The following UNC13B variants were observed in gnomAD, a reference collection of about 807,000 sequenced individuals.
UNC13B encodes the protein unc-13 homolog B, also known as protein unc-13 homolog B.
In UNC13B, 144 loss-of-function variants were observed where a neutral mutation model predicts 211.0. That is an observed-to-expected ratio of 0.68 (90% confidence interval 0.60 to 0.78). UNC13B has a LOEUF of 0.78. UNC13B is among the 30% of genes least tolerant of loss of function. UNC13B has a pLI of 0.00. For synonymous variants in UNC13B, 709 were observed against 725.8 expected, an observed-to-expected ratio of 0.98 and a Z score of 0.37; for missense variants, 1,777 against 2,002.0, an observed-to-expected ratio of 0.89 and a Z score of 2.14.
intron 1 of UNC13B, among the ~76,000 whole-genome samples, chr9:35,174,265 C>T (rs935585484): frequency 5.9e-5 from 9 of 151,640 alleles, no homozygotes; most frequent in African/African-American, 1.7e-4. Context: ...TCAGGTGATT[C>T]TCCTACCTTA....
At chr9:35,299,972 C>G (rs1246637798) in intron 8 of UNC13B, among the ~76,000 whole-genome samples, 194 bp from the exon 9 acceptor site, 1 of 152,014 alleles carries the variant, frequency 6.6e-6, no homozygotes, top group African/African-American at 2.4e-5. Context: ...GAAAATATCA[C>G]AAGAGTTTCT....
chr9:35,340,878 A>G (rs1831950464), intron 11 of UNC13B, among the ~76,000 whole-genome samples: 1 of 152,226 alleles, frequency 6.6e-6, no homozygotes, highest in African/African-American at 2.4e-5. Flanking sequence ...TTTATGCTAC[A>G]GAGCTTCAAG....
At chr9:35,325,548 G>T (rs748909458) in intron 11 of UNC13B, among the ~76,000 whole-genome samples, 7 of 151,916 alleles carry the variant, frequency 4.6e-5, no homozygotes, top group Non-Finnish European at 1.0e-4. Flanking sequence ...ACAAATTCTT[G>T]TTCCTTTGTT....
chr9:35,173,330 C>T (rs1278613484), intron 1 of UNC13B, among the ~76,000 whole-genome samples: 4 of 152,064 alleles, frequency 2.6e-5, no homozygotes, highest in Non-Finnish European at 5.9e-5. Context: ...GTATGTCTAC[C>T]TCACTTCAGC....
intron 11 of UNC13B, among the ~76,000 whole-genome samples, chr9:35,317,536 T>C (rs1830522900): frequency 6.7e-6 from 1 of 149,992 alleles, no homozygotes; most frequent in African/African-American, 2.5e-5. Context: ...TTTTTTTTTT[T>C]TTTTAAGACA....
chr9:35,266,384 T>C (rs1390986024), intron 7 of UNC13B, among the ~76,000 whole-genome samples: 1 of 152,150 alleles, frequency 6.6e-6, no homozygotes, highest in Non-Finnish European at 1.5e-5. Context: ...GCTACTGCTC[T>C]AAAGAAACTC....
chr9:35,163,358 C>T lies in UNC13B; in HGVS notation c.22+1053C>T, dbSNP rs774298349. ...GATTTCTCCAATAACGATGTTTCCC[C>T]CAGCTACTGGCAGATGAAACTGCTT... is the stretch of plus-strand genomic sequence containing the variant. On this transcript the variant is annotated intron_variant, in intron 1 of 39. Transcript: ENST00000635942. Among the ~76,000 whole-genome samples, 19 of 152,194 alleles carry T rather than the reference C, an allele frequency of 1.2e-4. 1 individual carries two copies. The highest frequency in any genetic ancestry group is 1.9e-4 in the Non-Finnish European group (13 of 68,042).
At chr9:35,183,921 G>T (rs1460106077) in intron 1 of UNC13B, among the ~76,000 whole-genome samples, 2 of 145,980 alleles carry the variant, frequency 1.4e-5, no homozygotes, top group Non-Finnish European at 3.0e-5. Flanking sequence ...CCTCCAAGAC[G>T]GGGTGGCGGC....
intron 1 of UNC13B, among the ~76,000 whole-genome samples, chr9:35,208,913 T>A (rs1409533912): frequency 6.6e-6 from 1 of 152,232 alleles, no homozygotes; most frequent in Non-Finnish European, 1.5e-5. Context: ...CTTTACTACT[T>A]GGAATTCTCT....
At chr9:35,178,911 A>G (rs34926956) in intron 1 of UNC13B, among the ~76,000 whole-genome samples, 6 of 138,598 alleles carry the variant, frequency 4.3e-5, no homozygotes, top group African/African-American at 1.6e-4. Context: ...AAAAAAAAAG[A>G]CAATGTCTCA....
chr9:35,398,945 C>T lies in UNC13B; in HGVS notation c.11985C>T (p.Gly3995=). 1 of 1,614,164 alleles carries T rather than the reference C, an allele frequency of 6.2e-7. No homozygotes were observed. ...CCGACATCCTGGGCCAGGTTCGGGGCACAGGGAATGCATCTCCAGACGCCA... is the reference window on the plus strand; with the variant it reads ...CCGACATCCTGGGCCAGGTTCGGGGTACAGGGAATGCATCTCCAGACGCCA... ...QMADILGQVR[G]TGNASPDARA... Residue 3995 remains glycine (G), a synonymous_variant, in exon 33 of 40, where the codon GGC becomes GGT. Transcript: ENST00000635942.
At chr9:35,245,612 T>A (rs2131566606) in intron 6 of UNC13B, among the ~76,000 whole-genome samples, 1 of 151,328 alleles carries the variant, frequency 6.6e-6, no homozygotes, top group Middle Eastern at 3.4e-3. Context: ...TGGTTTTTTG[T>A]CCTTGGTGAT....
At chr9:35,348,369 G>A (rs548835295) in intron 11 of UNC13B, among the ~76,000 whole-genome samples, 3 of 152,288 alleles carry the variant, frequency 2.0e-5, no homozygotes, top group South Asian at 4.2e-4. Context: ...AGAGACGGCC[G>A]GCCTCCTGAC....
At chr9:35,363,213 T>C (rs887117792) in intron 11 of UNC13B, among the ~76,000 whole-genome samples, 1 of 152,162 alleles carries the variant, frequency 6.6e-6, no homozygotes, top group African/African-American at 2.4e-5. Context: ...TGTCAATGGA[T>C]TGATTTGATT....
At position 35,376,025 on chromosome 9, in the gene UNC13B, C is replaced by T. The variant is rs1017528084; in HGVS notation, c.9616-3C>T. 2 of 1,613,948 alleles carry T rather than the reference C, an allele frequency of 1.2e-6. No homozygotes were observed. Among genetic ancestry groups the T allele is most frequent in the Non-Finnish European group, 1.7e-6 (2 of 1,179,976 alleles). On this transcript the variant is annotated splice_polypyrimidine_tract_variant and splice_region_variant and intron_variant, in intron 14 of 39. Coordinates refer to ENST00000635942, the MANE Select transcript of UNC13B (RefSeq NM_001371189.2). The stretch of plus-strand genomic sequence containing the variant: ...ATCATGGGATGGGGTATGTGTCTTT[C>T]AGAAATCCCACGTGTATAAGAAAAC...
chr9:35,232,705 G>T (rs955983827), intron 3 of UNC13B, among the ~76,000 whole-genome samples: 4 of 152,174 alleles, frequency 2.6e-5, no homozygotes, highest in African/African-American at 9.7e-5. Context: ...TTATAGGACA[G>T]ATAGGAAGGA....
At chr9:35,209,713 G>C (rs1381512793) in intron 1 of UNC13B, among the ~76,000 whole-genome samples, 1 of 152,160 alleles carries the variant, frequency 6.6e-6, no homozygotes, top group African/African-American at 2.4e-5. Flanking sequence ...CAATGATATA[G>C]TTCTATACAT....
chr9:35,176,652 A>G (rs967935513), intron 1 of UNC13B, among the ~76,000 whole-genome samples: 1 of 152,212 alleles, frequency 6.6e-6, no homozygotes, highest in Admixed American at 6.5e-5. Flanking sequence ...TTGGAAGTTT[A>G]TATAGACTAG....
intron 3 of UNC13B, among the ~76,000 whole-genome samples, chr9:35,233,584 T>C (rs1825329811): frequency 6.6e-6 from 1 of 152,232 alleles, no homozygotes; most frequent in Non-Finnish European, 1.5e-5. Context: ...GTCACCGGAA[T>C]CTCCAGTGCT....
Sources: allele counts gnomAD v4.1 joint callset (sites outside exome capture counted in the v4.1 genomes callset), GRCh38; gene constraint gnomAD v4.1.1; transcripts MANE v1.5; gene names NCBI Gene and HGNC (gene_info 2026-07-23, HGNC 2026-07-21).